Variants in ST6GALNAC3 observed in about 807,000 individuals in gnomAD.
ST6GALNAC3 encodes the protein alpha-N-acetylgalactosaminide alpha-2,6-sialyltransferase 3.
A neutral mutation model predicts 32.7 loss-of-function variants in ST6GALNAC3; 25 were observed. The observed-to-expected ratio is 0.76, with a 90% CI of 0.56 to 1.07. The LOEUF (loss-of-function observed/expected upper bound fraction) is 1.07. Ranked by LOEUF, ST6GALNAC3 falls within the 50% of genes least tolerant of loss-of-function variation. The pLI, the probability that ST6GALNAC3 is intolerant of heterozygous loss-of-function variation, is 0.00. For synonymous variants in ST6GALNAC3, 129 were observed against 133.1 expected (o/e 0.97, Z 0.21); for missense variants, 355 against 382.4 (o/e 0.93, Z 0.60).
intron 3 of ST6GALNAC3, among the ~76,000 whole-genome samples, chr1:76,543,209 T>TTAAG (rs1329002808): frequency 6.6e-6 from 1 of 152,182 alleles, no homozygotes; most frequent in East Asian, 1.9e-4. Flanking sequence ...GAGCCTACAG[T>TTAAG]TAAGTACCGA....
chr1:76,538,381 G>C lies in ST6GALNAC3; in HGVS notation c.624-89071G>C, dbSNP rs191886702. 4.9e-4 allele frequency among the ~76,000 whole-genome samples: 75 copies of C among 152,112 alleles called. No homozygotes were observed. In the Middle Eastern group the frequency reaches 0.014, roughly 28 times the overall value. On this transcript the variant is annotated intron_variant, in intron 3 of 4. Transcript: ENST00000328299. ...GATGGAACATATCTCAAAATAATAA[G>C]AGCTATTCATGACAAACCCACAGCC... is the stretch of plus-strand genomic sequence containing the variant.
chr1:76,231,906 GTGT>G (rs1348494164), intron 1 of ST6GALNAC3, among the ~76,000 whole-genome samples: 1 of 152,182 alleles, frequency 6.6e-6, no homozygotes, highest in African/African-American at 2.4e-5. Context: ...ACTTTTTGAA[GTGT>G]TGTTGTTTTA....
chr1:76,471,320 C>T (rs1659013279), intron 3 of ST6GALNAC3, among the ~76,000 whole-genome samples: 1 of 152,098 alleles, frequency 6.6e-6, no homozygotes, highest in Non-Finnish European at 1.5e-5. Context: ...TTAACATGAA[C>T]CTATCTTAAA....
rs954867131 is a variant in ST6GALNAC3, at chr1:76,193,264, G to A, written c.18+118380G>A. The stretch of plus-strand genomic sequence containing the variant: ...AGCCACCCCACTTCCAGTCTACATT[G>A]GGGACCCCCACCATTAGAAAATGTC... On this transcript the variant is annotated intron_variant, in intron 1 of 4. Coordinates refer to ENST00000328299, the MANE Select transcript of ST6GALNAC3 (RefSeq NM_152996.4). 3.9e-4 allele frequency among the ~76,000 whole-genome samples: 59 copies of A among 152,144 alleles called. 1 individual carries two copies. The highest frequency in any genetic ancestry group is 1.3e-3 in the African/African-American group (54 of 41,500).
chr1:76,469,739 G>A (rs1304214601), intron 3 of ST6GALNAC3, among the ~76,000 whole-genome samples: 1 of 152,068 alleles, frequency 6.6e-6, no homozygotes, highest in Non-Finnish European at 1.5e-5. Context: ...GCAACCACGG[G>A]AATAGTGAGT....
rs568424384 is a variant in ST6GALNAC3 at position 76,493,112 on chromosome 1, A to AT, written c.623+80701dup. 1.8e-3 allele frequency among the ~76,000 whole-genome samples: 278 copies of AT among 151,250 alleles called. 2 individuals are homozygous for AT. Among genetic ancestry groups the AT allele is most frequent in the African/African-American group, 6.3e-3 (261 of 41,104 alleles). On this transcript the variant is annotated intron_variant, in intron 3 of 4. Transcript: ENST00000328299. ...TACTTCCCACCACATTCAATTTCAG[A>AT]TTTTTTGTTCAATTGCTTATATCAT...
intron 3 of ST6GALNAC3, among the ~76,000 whole-genome samples, chr1:76,433,839 A>G (rs1414831665): frequency 6.6e-6 from 1 of 152,234 alleles, no homozygotes; most frequent in African/African-American, 2.4e-5. Flanking sequence ...CCTTTGTTCA[A>G]TATGACAATT....
intron 3 of ST6GALNAC3, among the ~76,000 whole-genome samples, chr1:76,447,839 C>A (rs1448222962): frequency 6.6e-6 from 1 of 152,182 alleles, no homozygotes; most frequent in Non-Finnish European, 1.5e-5. Flanking sequence ...TGTATGGAAA[C>A]ACCTGGATGC....
At chr1:76,456,367 G>C (rs2101575799) in intron 3 of ST6GALNAC3, among the ~76,000 whole-genome samples, 1 of 151,040 alleles carries the variant, frequency 6.6e-6, no homozygotes, top group South Asian at 2.1e-4. Context: ...ATTTTTTTGA[G>C]TCGGAGTCTC....
chr1:76,101,049 C>T (rs1197135148), intron 1 of ST6GALNAC3, among the ~76,000 whole-genome samples: 3 of 152,090 alleles, frequency 2.0e-5, no homozygotes, highest in African/African-American at 7.2e-5. Context: ...ATAGTTTATA[C>T]TAGGATTCAC....
At chr1:76,384,528 T>G (rs972179107) in intron 2 of ST6GALNAC3, among the ~76,000 whole-genome samples, 3 of 152,098 alleles carry the variant, frequency 2.0e-5, no homozygotes, top group African/African-American at 4.8e-5. Context: ...ATAACACAAT[T>G]AACAAACTTG....
intron 2 of ST6GALNAC3, among the ~76,000 whole-genome samples, chr1:76,356,273 C>T (rs138103767): frequency 6.6e-6 from 1 of 152,034 alleles, no homozygotes; most frequent in Non-Finnish European, 1.5e-5. Flanking sequence ...ATGATGTTGC[C>T]TGTTGTCTTC....
chr1:76,240,364 CA>C (rs1425514675), intron 1 of ST6GALNAC3, among the ~76,000 whole-genome samples: 3 of 152,194 alleles, frequency 2.0e-5, no homozygotes, highest in Non-Finnish European at 4.4e-5. Flanking sequence ...CACTTCCTGG[CA>C]GACTTATATT....
intron 1 of ST6GALNAC3, among the ~76,000 whole-genome samples, chr1:76,151,303 G>T (rs1014799688): frequency 6.6e-6 from 1 of 152,168 alleles, no homozygotes; most frequent in African/African-American, 2.4e-5. Context: ...ACTAGGCTTT[G>T]TCACTTTCAA....
Position 76,630,274 on chromosome 1 carries a change from T to C in ST6GALNAC3, c.*1468T>C. On this transcript the variant is annotated 3_prime_UTR_variant, in exon 5 of 5. Transcript: ENST00000328299. ...ATCACAAAGGATGGTCTTGGCCATA[T>C]GCTAGGGCCCCTGTGAAAATAAGTA... 1.0e-6 allele frequency: 1 copy of C among 985,232 alleles called. No homozygotes were observed. Among genetic ancestry groups the C allele is most frequent in the Non-Finnish European group, 1.2e-6 (1 of 829,816 alleles). 61.0% of individuals were successfully genotyped at this position (985,232 alleles called of 1,614,324 possible). A position where few individuals can be genotyped will look rare whatever the true frequency, so the allele number is the denominator to read the frequency against.
chr1:76,614,245 A>C (rs554441945), intron 3 of ST6GALNAC3, among the ~76,000 whole-genome samples: 4 of 152,270 alleles, frequency 2.6e-5, no homozygotes, highest in African/African-American at 9.6e-5. Context: ...ACATTTTCCT[A>C]AAGAGACAAA....
At chr1:76,567,558 T>C (rs1665626704) in intron 3 of ST6GALNAC3, among the ~76,000 whole-genome samples, 4 of 152,218 alleles carry the variant, frequency 2.6e-5, no homozygotes, top group Admixed American at 2.0e-4. Context: ...TCCACCACTA[T>C]GCAGCCACTT....
intron 3 of ST6GALNAC3, among the ~76,000 whole-genome samples, chr1:76,491,370 T>C (rs1033983795): frequency 2.0e-5 from 3 of 152,146 alleles, no homozygotes; most frequent in African/African-American, 7.2e-5. Flanking sequence ...ATCCCACCAC[T>C]GTGCTGGGAA....
intron 2 of ST6GALNAC3, among the ~76,000 whole-genome samples, chr1:76,391,482 T>G (rs1652542899): frequency 6.6e-6 from 1 of 152,152 alleles, no homozygotes; most frequent in Non-Finnish European, 1.5e-5. Flanking sequence ...TTTGGATAAT[T>G]GAATGTTCTT....
Sources: allele counts gnomAD v4.1 joint callset (sites outside exome capture counted in the v4.1 genomes callset), GRCh38; gene constraint gnomAD v4.1.1; transcripts MANE v1.5; gene names NCBI Gene and HGNC (gene_info 2026-07-23, HGNC 2026-07-21).